The following MAGI1 variants were observed in gnomAD, a reference collection of about 807,000 sequenced individuals.
MAGI1 encodes the protein membrane associated guanylate kinase, WW and PDZ domain containing 1, also known as membrane-associated guanylate kinase, WW and PDZ domain-containing protein 1.
MAGI1 carries 58 observed loss-of-function variants against 139.9 expected under a neutral mutation model. The ratio of observed to expected loss-of-function variants is 0.41; its 90% CI spans 0.34 to 0.52. The LOEUF (loss-of-function observed/expected upper bound fraction) is 0.52, where lower values mean the gene tolerates loss of function less well. Among genes scored for constraint, MAGI1 ranks in the 20% least tolerant of loss-of-function variants. MAGI1 has a pLI of 0.12. For synonymous variants in MAGI1, 812 were observed against 737.9 expected (o/e 1.10, Z -1.63); for missense variants, 1,874 against 1,901.6 (o/e 0.99, Z 0.27).
intron 1 of MAGI1, among the ~76,000 whole-genome samples, chr3:65,910,854 A>ATTTTTTTTTTTTT (rs1560003976): frequency 2.2e-3 from 26 of 11,878 alleles, no homozygotes; most frequent in African/African-American, 6.9e-3. Context: ...GACATGGTGG[A>ATTTTTTTTTTTTT]CTTTTTTTTT....
chr3:65,638,679 A>G lies in MAGI1; in HGVS notation c.314-16591T>C, dbSNP rs186519569. On this transcript the variant is annotated intron_variant, in intron 1 of 22. Coordinates refer to ENST00000402939, the MANE Select transcript of MAGI1 (RefSeq NM_001033057.2). Reference sequence around the variant, plus strand: ...GGCTGGAGTGCAGTGGTGCGATCTCAGCTCACTGCAACCTCCTCCCAGGTT... The same window carrying G: ...GGCTGGAGTGCAGTGGTGCGATCTCGGCTCACTGCAACCTCCTCCCAGGTT... 1.4e-3 allele frequency among the ~76,000 whole-genome samples: 187 copies of G among 131,226 alleles called. 2 individuals are homozygous for G. In the Middle Eastern group the frequency reaches 0.028, roughly 20 times the overall value. 86.1% of individuals were successfully genotyped at this position (131,226 alleles called of 152,430 possible).
chr3:65,433,606 C>T (rs892903123), intron 10 of MAGI1, among the ~76,000 whole-genome samples: 1 of 152,068 alleles, frequency 6.6e-6, no homozygotes, highest in South Asian at 2.1e-4. Flanking sequence ...AGATCCTAAC[C>T]TCTGTTTACC....
chr3:65,657,445 A>C (rs908402330), intron 1 of MAGI1, among the ~76,000 whole-genome samples: 6 of 151,742 alleles, frequency 4.0e-5, no homozygotes, highest in Admixed American at 3.3e-4. Flanking sequence ...AAAAAAAAAA[A>C]AAAACACATA....
At chr3:65,397,754 T>G (rs1380410087) in intron 13 of MAGI1, among the ~76,000 whole-genome samples, 1 of 152,172 alleles carries the variant, frequency 6.6e-6, no homozygotes, top group Non-Finnish European at 1.5e-5. Context: ...AGTGGAATGA[T>G]TACATTATGT....
At chr3:65,908,827 T>C (rs2061543126) in intron 1 of MAGI1, among the ~76,000 whole-genome samples, 1 of 152,168 alleles carries the variant, frequency 6.6e-6, no homozygotes, top group Non-Finnish European at 1.5e-5. Context: ...ACTCTCTTGG[T>C]CATTAACCAT....
intron 1 of MAGI1, among the ~76,000 whole-genome samples, chr3:65,764,259 A>C (rs1166366901): frequency 6.6e-6 from 1 of 151,954 alleles, no homozygotes; most frequent in Admixed American, 6.6e-5. Context: ...TGAAAATGGC[A>C]TGATACTTAA....
chr3:66,010,929 G>C (rs1048745472), intron 1 of MAGI1, among the ~76,000 whole-genome samples: 1 of 152,186 alleles, frequency 6.6e-6, no homozygotes, highest in African/African-American at 2.4e-5. Context: ...TGTAAGCAAA[G>C]GGGCAGGACT....
intron 1 of MAGI1, among the ~76,000 whole-genome samples, chr3:65,781,167 G>A (rs1231954086): frequency 6.6e-6 from 1 of 151,936 alleles, no homozygotes; most frequent in East Asian, 1.9e-4. Flanking sequence ...CTGCACTCCA[G>A]CCTGAGTGAC....
At chr3:65,414,846 C>G (rs543014976) in intron 12 of MAGI1, among the ~76,000 whole-genome samples, 2 of 146,538 alleles carry the variant, frequency 1.4e-5, no homozygotes. Context: ...GGAGAAACCC[C>G]GTCTCTACTA....
intron 1 of MAGI1, chr3:65,874,497 A>G (rs970900196): frequency 6.6e-6 from 1 of 152,236 alleles, no homozygotes; most frequent in Non-Finnish European, 1.5e-5. Flanking sequence ...GATGTACAAA[A>G]GACCAAATAA....
chr3:65,562,486 GTTTT>G (rs1234835347), intron 2 of MAGI1, among the ~76,000 whole-genome samples: 2 of 152,210 alleles, frequency 1.3e-5, no homozygotes, highest in African/African-American at 2.4e-5. Flanking sequence ...TCTTTGTTGT[GTTTT>G]TTGTTTTTGT....
At chr3:65,528,852 C>A (rs1387100960) in intron 2 of MAGI1, among the ~76,000 whole-genome samples, 3 of 152,108 alleles carry the variant, frequency 2.0e-5, no homozygotes, top group Non-Finnish European at 4.4e-5. Flanking sequence ...TTGAGACCAG[C>A]CTGGACAATA....
chr3:65,611,426 C>T (rs2106942376), intron 2 of MAGI1, among the ~76,000 whole-genome samples: 1 of 143,252 alleles, frequency 7.0e-6, no homozygotes, highest in African/African-American at 2.6e-5. Flanking sequence ...TGTATGTATA[C>T]TGTATATACA....
intron 1 of MAGI1, among the ~76,000 whole-genome samples, chr3:65,811,284 A>G (rs1258786318): frequency 6.6e-6 from 1 of 152,170 alleles, no homozygotes; most frequent in African/African-American, 2.4e-5. Context: ...ATGAAAGACT[A>G]TATTCACTGA....
chr3:65,852,611 G>C (rs6768589), intron 1 of MAGI1, among the ~76,000 whole-genome samples: 117,629 of 151,158 alleles, frequency 0.78, 47,200 homozygotes, highest in East Asian at 1. Flanking sequence ...TCAAGTGATT[G>C]TCCTGCCTCA....
chr3:65,718,001 G>GGGCA (rs750666823), intron 1 of MAGI1, among the ~76,000 whole-genome samples: 8 of 152,146 alleles, frequency 5.3e-5, no homozygotes, highest in South Asian at 2.1e-4. Context: ...CTAACCAAGT[G>GGGCA]GGCAGAGTTA....
At chr3:66,027,807 G>A (rs2068369139) in intron 1 of MAGI1, among the ~76,000 whole-genome samples, 1 of 152,136 alleles carries the variant, frequency 6.6e-6, no homozygotes, top group Non-Finnish European at 1.5e-5. Context: ...ATTCTCCCTT[G>A]AGGGGCTGTT....
chr3:65,890,441 G>A (rs1575869985), intron 1 of MAGI1, among the ~76,000 whole-genome samples: 1 of 152,118 alleles, frequency 6.6e-6, no homozygotes, highest in Non-Finnish European at 1.5e-5. Context: ...ACACACCGAG[G>A]AGGTCAGAAA....
intron 2 of MAGI1, among the ~76,000 whole-genome samples, chr3:65,601,764 A>G (rs1232912110): frequency 6.6e-6 from 1 of 152,120 alleles, no homozygotes; most frequent in South Asian, 2.1e-4. Flanking sequence ...ATTAGAGTGT[A>G]TTAAAATTTA....
Sources: gnomAD v4.1 joint callset for allele counts (sites outside exome capture counted in the v4.1 genomes callset) on GRCh38, gnomAD v4.1.1 for gene constraint, MANE v1.5 for transcripts, NCBI Gene and HGNC (gene_info 2026-07-23, HGNC 2026-07-21) for gene names.